DPP6: variants seen among roughly 807,000 people sequenced by gnomAD.
The protein encoded by DPP6 is dipeptidyl peptidase like 6, also known as A-type potassium channel modulatory protein DPP6.
In DPP6, 69 loss-of-function variants were observed where a neutral mutation model predicts 122.6. The ratio of observed to expected loss-of-function variants is 0.56; its 90% CI spans 0.46 to 0.69. The LOEUF is 0.69. Among genes scored for constraint, DPP6 ranks in the 30% least tolerant of loss-of-function variants. The pLI is 0.00. For missense variants in DPP6, 928 were observed against 1,116.9 expected (o/e 0.83, Z 2.41); for synonymous variants, 418 against 433.1 (o/e 0.97, Z 0.43).
In DPP6 at chr7:154,242,997, T is replaced by C. The variant is rs1200222880; in HGVS notation, c.243+189934T>C. Among the ~76,000 whole-genome samples the C allele has an allele frequency of 2.0e-5, 3 of 152,002 alleles. No homozygotes were observed. The East Asian group carries it at 5.8e-4, about 29-fold the overall frequency. ...GGCATTCAGTTGAAACCTCAGAAAG[T>C]CCACACCATAGCAGTAAAAGCTATA... On this transcript the variant is annotated intron_variant, in intron 1 of 25. Transcript: ENST00000377770.
intron 1 of DPP6, among the ~76,000 whole-genome samples, chr7:154,213,921 A>C (rs2150813863): frequency 6.6e-6 from 1 of 152,274 alleles, no homozygotes; most frequent in African/African-American, 2.4e-5. Context: ...TCAAGACAGA[A>C]TCCACTCTCC....
chr7:154,835,019 G>A (rs1027865854), intron 16 of DPP6, among the ~76,000 whole-genome samples: 2 of 152,232 alleles, frequency 1.3e-5, no homozygotes, highest in African/African-American at 4.8e-5. Context: ...TATAGGGTCA[G>A]TGTGCACCAA....
At chr7:154,731,018 T>C (rs1249224708) in intron 8 of DPP6, among the ~76,000 whole-genome samples, 1 of 152,230 alleles carries the variant, frequency 6.6e-6, no homozygotes, top group East Asian at 1.9e-4. Flanking sequence ...CTTAATCTAC[T>C]TAGTGTTGTT....
the DPP6 span, among the ~76,000 whole-genome samples, chr7:153,753,685 C>T: frequency 4.5e-4 from 68 of 152,254 alleles, 1 homozygote; most frequent in Admixed American, 1.6e-3. Flanking sequence ...TGAACCTCAA[C>T]GGATTCTTTG....
chr7:154,808,696 A>G (rs1317583894), intron 16 of DPP6, among the ~76,000 whole-genome samples: 1 of 152,160 alleles, frequency 6.6e-6, no homozygotes, highest in Admixed American at 6.6e-5. Context: ...TGAAATAAGA[A>G]CTTGGGAAAT....
At chr7:154,745,143 G>A (rs1842978201) in intron 8 of DPP6, among the ~76,000 whole-genome samples, 1 of 152,220 alleles carries the variant, frequency 6.6e-6, no homozygotes, top group Non-Finnish European at 1.5e-5. Flanking sequence ...AGTGGAAGGA[G>A]CAAAGGAGCA....
At chr7:154,627,445 G>C (rs1457911567) in intron 5 of DPP6, among the ~76,000 whole-genome samples, 1 of 151,756 alleles carries the variant, frequency 6.6e-6, no homozygotes, top group Non-Finnish European at 1.5e-5. Flanking sequence ...TGATCCACCT[G>C]CCTCGGCCTC....
At chr7:154,587,922 G>C in intron 5 of DPP6, 1 of 1,612,922 alleles carries the variant, frequency 6.2e-7, no homozygotes, top group African/African-American at 1.3e-5. Context: ...CAGGAGGCAG[G>C]ACTGCCAATG....
chr7:154,805,838 C>T (rs1249852337), intron 15 of DPP6, among the ~76,000 whole-genome samples: 1 of 152,220 alleles, frequency 6.6e-6, no homozygotes, highest in Non-Finnish European at 1.5e-5. Flanking sequence ...TGCTGCCTCC[C>T]CCGTGCCTCT....
Position 154,483,886 on chromosome 7 carries a change from G to C in DPP6, c.457+8849G>C, listed in dbSNP as rs909473124. Among the ~76,000 whole-genome samples the C allele has an allele frequency of 2.6e-5, 4 of 152,232 alleles. No homozygotes were observed. The highest frequency in any genetic ancestry group is 2.1e-4 in the South Asian group (1 of 4,810). The stretch of plus-strand genomic sequence containing the variant: ...ATTTTTGTATTTTTAGCAGAGACAG[G>C]GTTTCCCCATATTGCTCAGGCTGGT... On this transcript the variant is annotated intron_variant, in intron 3 of 25. Transcript: ENST00000377770. This position sits in a 1 kb window ranked among gnomAD's most constrained non-coding sequence, Gnocchi z 8.1.
At chr7:154,276,690 G>A (rs1052943226) in intron 1 of DPP6, among the ~76,000 whole-genome samples, 14 of 152,174 alleles carry the variant, frequency 9.2e-5, no homozygotes, top group African/African-American at 3.1e-4. Flanking sequence ...GCTCTATAAG[G>A]TTGCCACAAA....
At chr7:154,769,227 C>G (rs1267925433) in intron 8 of DPP6, among the ~76,000 whole-genome samples, 190 bp from the exon 9 acceptor site, 1 of 152,148 alleles carries the variant, frequency 6.6e-6, no homozygotes, top group Non-Finnish European at 1.5e-5. Context: ...TCATCAGCAT[C>G]AGACATTTCT....
intron 1 of DPP6, among the ~76,000 whole-genome samples, chr7:154,388,072 G>A (rs116039510): frequency 8.5e-5 from 13 of 152,062 alleles, no homozygotes; most frequent in Admixed American, 4.6e-4. Flanking sequence ...AAGACCAAGG[G>A]GGGAGTTTCA....
chr7:154,060,259 A>C (rs1585265354), intron 1 of DPP6, among the ~76,000 whole-genome samples: 4 of 113,854 alleles, frequency 3.5e-5, no homozygotes, highest in African/African-American at 7.2e-5. Context: ...GGGCGGAGGC[A>C]CCCCCCGCGA....
rs1295210388 is a variant in DPP6, at chr7:153,982,091, C to A, written c.51+94357C>A. On this transcript the variant is annotated intron_variant, in intron 1 of 25. Coordinates refer to the DPP6 transcript ENST00000404039. ...TTTCCTGAATTTGAATGTTGGCCTG[C>A]CTTGCTAGGTTGGGGAAGTTCTTCT... is the stretch of plus-strand genomic sequence containing the variant. Among the ~76,000 whole-genome samples, 4 of 151,908 alleles carry A rather than the reference C, an allele frequency of 2.6e-5. No individual in the cohort carries two copies. The East Asian group carries it at 7.8e-4, about 29-fold the overall frequency.
chr7:154,544,089 G>T, intron 4 of DPP6, among the ~76,000 whole-genome samples: 1 of 141,202 alleles, frequency 7.1e-6, no homozygotes, highest in African/African-American at 2.6e-5. Context: ...GCATTCTTTT[G>T]TTTTATATAT....
rs763154866 is a variant in DPP6 at position 154,772,870 on chromosome 7, C to G, written c.1064C>G (p.Ser355Cys). The G allele has an allele frequency of 3.7e-6, 6 of 1,613,374 alleles. No individual in the cohort carries two copies. In the South Asian group the frequency reaches 5.5e-5, roughly 15 times the overall value. Residue 355 changes from serine to cysteine, a missense_variant, in exon 10 of 26, where the codon TCC becomes TGC. Coordinates refer to ENST00000377770, the MANE Select transcript of DPP6 (RefSeq NM_130797.4). ...PKAGSENPSI[S>C]LHVIGLNGPT... The stretch of plus-strand genomic sequence containing the variant: ...GCTGGAAGTGAGAACCCCAGCATTT[C>G]CCTACACGTTATTGGCTTAAATGGA...
the DPP6 span, among the ~76,000 whole-genome samples, chr7:153,808,321 GTGTC>G: frequency 6.6e-5 from 10 of 151,288 alleles, no homozygotes; most frequent in East Asian, 3.9e-4. Flanking sequence ...GTGCCTGTGT[GTGTC>G]TGTGTGCATA....
chr7:154,014,946 C>T (rs1181656509), intron 1 of DPP6, among the ~76,000 whole-genome samples: 1 of 152,136 alleles, frequency 6.6e-6, no homozygotes, highest in South Asian at 2.1e-4. Flanking sequence ...CTCATTCCTT[C>T]TGGGTCTCAG....
Sources: allele counts gnomAD v4.1 joint callset (sites outside exome capture counted in the v4.1 genomes callset), GRCh38; gene constraint gnomAD v4.1.1; non-coding constraint Gnocchi (gnomAD v3.1); transcripts MANE v1.5; gene names NCBI Gene and HGNC (gene_info 2026-07-23, HGNC 2026-07-21).